The following CD200R1 variants were observed in gnomAD, a reference collection of about 807,000 sequenced individuals.
CD200R1 encodes CD200 receptor 1.
In CD200R1, 30 loss-of-function variants were observed where a neutral mutation model predicts 38.1. The ratio of observed to expected loss-of-function variants is 0.79; its 90% CI spans 0.59 to 1.07. CD200R1 has a LOEUF of 1.07. Among genes scored for constraint, CD200R1 ranks in the 50% least tolerant of loss-of-function variants. The pLI, the probability that CD200R1 is intolerant of heterozygous loss-of-function variation, is 0.00. For synonymous variants in CD200R1, 128 were observed against 152.1 expected (o/e 0.84, Z 1.16); for missense variants, 372 against 415.4 (o/e 0.90, Z 0.91).
chr3:112,955,510 AT>A (rs34465843), intron 1 of CD200R1, among the ~76,000 whole-genome samples: 7,426 of 136,640 alleles, frequency 0.054, 240 homozygotes, highest in East Asian at 0.21. Context: ...CTCTCTTCAC[AT>A]TTTTTTTTTT....
chr3:112,974,702 G>T (rs949920607), intron 1 of CD200R1, 89 bp downstream of exon 1: 1 of 846,704 alleles, frequency 1.2e-6, no homozygotes, highest in Non-Finnish European at 2.0e-6. Flanking sequence ...CAATTGATTT[G>T]TATTGCCCCA....
intron 6 of CD200R1, 56 bp downstream of exon 6, chr3:112,925,029 G>T: frequency 3.0e-6 from 3 of 1,016,710 alleles, no homozygotes; most frequent in South Asian, 2.7e-5. Context: ...CCATATTTCT[G>T]ACTCTTTTCT....
chr3:112,974,129 TA>T (rs527684625), intron 1 of CD200R1, among the ~76,000 whole-genome samples: 14 of 148,308 alleles, frequency 9.4e-5, no homozygotes, highest in Admixed American at 2.0e-4. Context: ...GTTCTTATCT[TA>T]AAAAAAAAAA....
chr3:112,938,008 T>C (rs1188545012), intron 2 of CD200R1, among the ~76,000 whole-genome samples: 3 of 152,160 alleles, frequency 2.0e-5, no homozygotes, highest in African/African-American at 7.2e-5. Flanking sequence ...TGTTGGTGTA[T>C]AGGAATACTA....
chr3:112,958,743 A>G (rs1932924515), intron 1 of CD200R1, among the ~76,000 whole-genome samples: 1 of 152,200 alleles, frequency 6.6e-6, no homozygotes, highest in South Asian at 2.1e-4. Flanking sequence ...AACAAAATAT[A>G]AACAGAGATC....
intron 2 of CD200R1, among the ~76,000 whole-genome samples, chr3:112,939,788 GA>G (rs1359976132): frequency 5.8e-5 from 5 of 86,584 alleles, no homozygotes; most frequent in East Asian, 3.4e-4. Context: ...AACAAAAATA[GA>G]AAAAAAATCC....
At chr3:112,945,602 T>A (rs1370526455) in intron 2 of CD200R1, among the ~76,000 whole-genome samples, 1 of 152,040 alleles carries the variant, frequency 6.6e-6, no homozygotes, top group Non-Finnish European at 1.5e-5. Flanking sequence ...CTAAAAACAC[T>A]CCTAGAAGGT....
At chr3:112,937,832 GT>G (rs1576133751) in intron 2 of CD200R1, among the ~76,000 whole-genome samples, 1 of 152,134 alleles carries the variant, frequency 6.6e-6, no homozygotes, top group East Asian at 1.9e-4. Context: ...AGCATGGACT[GT>G]TTTTCCATTT....
At chr3:112,929,734 G>C (rs1940380604) in intron 3 of CD200R1, among the ~76,000 whole-genome samples, 1 of 151,982 alleles carries the variant, frequency 6.6e-6, no homozygotes, top group East Asian at 1.9e-4. Context: ...TTAGAAATAT[G>C]ATATATAATA....
At chr3:112,953,332 TCTG>T (rs1187629178) in intron 1 of CD200R1, among the ~76,000 whole-genome samples, 3 of 152,210 alleles carry the variant, frequency 2.0e-5, no homozygotes, top group African/African-American at 7.2e-5. Context: ...GTCTTTTTAA[TCTG>T]CTATTTATTT....
intron 1 of CD200R1, among the ~76,000 whole-genome samples, chr3:112,970,034 C>G (rs1260836870): frequency 6.6e-6 from 1 of 151,854 alleles, no homozygotes; most frequent in East Asian, 1.9e-4. Context: ...AAAAATTAGC[C>G]TGGCGTGGTG....
chr3:112,953,367 A>G (rs888836266), intron 1 of CD200R1, among the ~76,000 whole-genome samples: 1 of 152,210 alleles, frequency 6.6e-6, no homozygotes, highest in Middle Eastern at 3.4e-3. Flanking sequence ...CATCTTGTTA[A>G]AGATTTTTTG....
chr3:112,933,819 A>G (rs1398232521), intron 2 of CD200R1, among the ~76,000 whole-genome samples: 2 of 152,164 alleles, frequency 1.3e-5, no homozygotes, highest in Non-Finnish European at 2.9e-5. Flanking sequence ...TTAGAGCTGA[A>G]GAAGTCAATG....
At position 112,925,158 on chromosome 3, in the gene CD200R1, G is replaced by T; in HGVS notation, c.805C>A (p.Pro269Thr). 1 of 1,603,826 alleles carries T rather than the reference G, an allele frequency of 6.2e-7. No individual in the cohort carries two copies. Among genetic ancestry groups the T allele is most frequent in the Non-Finnish European group, 8.5e-7 (1 of 1,172,486 alleles). The change falls in exon 6 of 8, where the codon CCA becomes ACA. Residue 269 changes from proline (P) to threonine (T), a missense_variant. Pro to Thr is a conservative substitution (Grantham distance 38, BLOSUM62 -1). Transcript: ENST00000308611. ...ATAATAATAGTAAGGATGATATATG[G>T]AATATATAATTTTGCTGATTTTTTG... Reference protein sequence around the residue: ...GAKKSAKLYIPYIILTIIILT... With the variant: ...GAKKSAKLYITYIILTIIILT...
chr3:112,947,968 A>G, intron 1 of CD200R1, 44 bp from the exon 2 acceptor site: 1 of 1,183,288 alleles, frequency 8.5e-7, no homozygotes, highest in African/African-American at 1.5e-5. Context: ...AGAAATATGC[A>G]TTAATAGATC....
At chr3:112,955,510 A>ATT (rs34465843) in intron 1 of CD200R1, among the ~76,000 whole-genome samples, 11 of 136,786 alleles carry the variant, frequency 8.0e-5, no homozygotes, top group African/African-American at 1.3e-4. Flanking sequence ...CTCTCTTCAC[A>ATT]TTTTTTTTTT....
chr3:112,970,145 T>G (rs997899965), intron 1 of CD200R1, among the ~76,000 whole-genome samples: 3 of 152,134 alleles, frequency 2.0e-5, no homozygotes, highest in African/African-American at 7.2e-5. Flanking sequence ...ACCACTGCAC[T>G]CCAGCCTGAG....
intron 1 of CD200R1, among the ~76,000 whole-genome samples, chr3:112,952,672 A>T (rs1271754436): frequency 6.6e-6 from 1 of 152,134 alleles, no homozygotes; most frequent in Non-Finnish European, 1.5e-5. Flanking sequence ...GCATTGGGAG[A>T]TATACCTAAT....
At position 112,921,262 on chromosome 3, in the gene CD200R1, T is replaced by TA. The variant is rs1484703308; in HGVS notation, c.*2414dup. 6.6e-6 allele frequency: 1 copy of TA among 152,028 alleles called. No individual in the cohort carries two copies. Among genetic ancestry groups the TA allele is most frequent in the African/African-American group, 2.4e-5 (1 of 41,412 alleles). The allele number at this position is 152,028 out of a possible 1,614,324, so 9.4% of individuals were successfully genotyped here. On this transcript the variant is annotated 3_prime_UTR_variant, in exon 8 of 8. Transcript: ENST00000308611. Reference sequence around the variant, plus strand: ...GATTATGCTGATGGTTTCACAGATGTAAAACTATGTCAACATTTACCAAAG... The same window carrying TA: ...GATTATGCTGATGGTTTCACAGATGTAAAAACTATGTCAACATTTACCAAAG...
Sources: gnomAD v4.1 joint callset for allele counts (sites outside exome capture counted in the v4.1 genomes callset) on GRCh38, gnomAD v4.1.1 for gene constraint, MANE v1.5 for transcripts, NCBI Gene and HGNC (gene_info 2026-07-23, HGNC 2026-07-21) for gene names.